Variants in VTI1A observed in about 807,000 individuals in gnomAD.
VTI1A encodes the protein vesicle transport through interaction with t-SNAREs homolog 1A.
VTI1A carries 22 observed loss-of-function variants against 34.9 expected under a neutral mutation model. The ratio of observed to expected loss-of-function variants is 0.63; its 90% CI spans 0.45 to 0.90. The LOEUF is 0.90. Ranked by LOEUF, VTI1A falls within the 40% of genes least tolerant of loss-of-function variation. The pLI, the probability that VTI1A is intolerant of heterozygous loss-of-function variation, is 0.00. For missense variants in VTI1A, 268 were observed against 275.6 expected, an observed-to-expected ratio of 0.97 and a Z score of 0.20; for synonymous variants, 87 against 97.3, an observed-to-expected ratio of 0.89 and a Z score of 0.62.
At chr10:112,708,883 C>T (rs576954076) in intron 7 of VTI1A, among the ~76,000 whole-genome samples, 5 of 152,200 alleles carry the variant, frequency 3.3e-5, no homozygotes, top group East Asian at 1.9e-4. Context: ...AAACATGTTT[C>T]GTAGTTACAC....
chr10:112,703,302 T>A (rs995051197), intron 7 of VTI1A, among the ~76,000 whole-genome samples: 10 of 152,188 alleles, frequency 6.6e-5, no homozygotes, highest in African/African-American at 2.4e-4. Context: ...GCGCAGTGGC[T>A]CACGCCTGTA....
chr10:112,685,525 T>C (rs1171326866), intron 7 of VTI1A, among the ~76,000 whole-genome samples: 2 of 152,218 alleles, frequency 1.3e-5, no homozygotes, highest in Non-Finnish European at 2.9e-5. Context: ...TACCGTTTTC[T>C]GCCCTGGCTT....
chr10:112,675,596 C>T (rs1193986887), intron 7 of VTI1A, among the ~76,000 whole-genome samples: 1 of 152,200 alleles, frequency 6.6e-6, no homozygotes, highest in Non-Finnish European at 1.5e-5. Context: ...GACTGTGTGG[C>T]ATTAACCAGA....
At chr10:112,478,269 G>A (rs950113806) in intron 3 of VTI1A, among the ~76,000 whole-genome samples, 1 of 150,272 alleles carries the variant, frequency 6.7e-6, no homozygotes, top group African/African-American at 2.5e-5. Context: ...CCTTGGACAT[G>A]TGGCATATTC....
At chr10:112,752,872 A>G (rs1302949912) in intron 7 of VTI1A, among the ~76,000 whole-genome samples, 1 of 151,812 alleles carries the variant, frequency 6.6e-6, no homozygotes, top group Admixed American at 6.6e-5. Context: ...ACTTCAGCTC[A>G]CTTACATGGA....
At chr10:112,700,130 A>C (rs1165972464) in intron 7 of VTI1A, among the ~76,000 whole-genome samples, 2 of 140,092 alleles carry the variant, frequency 1.4e-5, no homozygotes, top group Non-Finnish European at 3.0e-5. Flanking sequence ...AAAAAAAAAA[A>C]AAAAACAAAA....
chr10:112,628,137 G>A (rs1397233518), intron 5 of VTI1A, among the ~76,000 whole-genome samples: 1 of 152,028 alleles, frequency 6.6e-6, no homozygotes, highest in African/African-American at 2.4e-5. Flanking sequence ...ACACCTCCAA[G>A]GTCTGTATAG....
intron 7 of VTI1A, among the ~76,000 whole-genome samples, chr10:112,713,573 A>G (rs890839634): frequency 3.3e-5 from 5 of 152,228 alleles, no homozygotes; most frequent in African/African-American, 1.2e-4. Context: ...CAGCAGCTCC[A>G]GTCTATCAGC....
chr10:112,689,150 G>A (rs1001461029), intron 7 of VTI1A, among the ~76,000 whole-genome samples: 1 of 152,180 alleles, frequency 6.6e-6, no homozygotes, highest in African/African-American at 2.4e-5. Flanking sequence ...AAAAATGTAT[G>A]TATAAGCAGA....
At chr10:112,683,351 C>G (rs1307081717) in intron 7 of VTI1A, among the ~76,000 whole-genome samples, 1 of 152,118 alleles carries the variant, frequency 6.6e-6, no homozygotes, top group Non-Finnish European at 1.5e-5. Flanking sequence ...TTGGTAGGAA[C>G]ATGAAAGTGA....
rs567119868 is a variant in VTI1A at position 112,572,706 on chromosome 10, C to T, written c.427+34376C>T. On this transcript the variant is annotated intron_variant, in intron 5 of 7. Transcript: ENST00000393077. ...ACAAAAAATTAGCCGGGCGCGGTGGCGGGCGCCTGTAGTCCCAGCTACTCG... is the reference window on the plus strand; with the variant it reads ...ACAAAAAATTAGCCGGGCGCGGTGGTGGGCGCCTGTAGTCCCAGCTACTCG... Among the ~76,000 whole-genome samples the T allele has an allele frequency of 1.0e-3, 152 of 150,612 alleles. 6 individuals are homozygous for T. In the East Asian group the frequency reaches 0.014, roughly 14 times the overall value.
intron 3 of VTI1A, among the ~76,000 whole-genome samples, chr10:112,499,025 A>C (rs984738403): frequency 2.9e-4 from 44 of 152,312 alleles, no homozygotes; most frequent in African/African-American, 9.9e-4. Flanking sequence ...GCTTAAATGA[A>C]GAAATAACCA....
At chr10:112,500,443 A>AG (rs1849190450) in intron 3 of VTI1A, among the ~76,000 whole-genome samples, 2 of 152,218 alleles carry the variant, frequency 1.3e-5, no homozygotes, top group African/African-American at 4.8e-5. Context: ...AAAAAAGAAA[A>AG]AAAAGAAAAG....
chr10:112,640,010 C>T (rs1266621172), intron 5 of VTI1A, among the ~76,000 whole-genome samples: 1 of 152,120 alleles, frequency 6.6e-6, no homozygotes, highest in Non-Finnish European at 1.5e-5. Flanking sequence ...TGTCTTCCAC[C>T]TTCTGTTGGG....
chr10:112,787,006 A>G (rs1297652428), intron 7 of VTI1A, among the ~76,000 whole-genome samples: 1 of 152,128 alleles, frequency 6.6e-6, no homozygotes, highest in Non-Finnish European at 1.5e-5. Flanking sequence ...ATTGTGATGT[A>G]ATTCATTATT....
chr10:112,660,433 G>A (rs1360332851), intron 5 of VTI1A, among the ~76,000 whole-genome samples: 9 of 152,186 alleles, frequency 5.9e-5, no homozygotes, highest in Admixed American at 5.9e-4. Flanking sequence ...TGGCACTAAA[G>A]ATCATCTAGT....
At chr10:112,502,051 A>G (rs1412795540) in intron 3 of VTI1A, among the ~76,000 whole-genome samples, 1 of 136,898 alleles carries the variant, frequency 7.3e-6, no homozygotes, top group East Asian at 2.2e-4. Flanking sequence ...TTTTGGAGAC[A>G]GGGTCTTGTT....
chr10:112,622,150 C>A (rs1246744002), intron 5 of VTI1A, among the ~76,000 whole-genome samples: 1 of 152,108 alleles, frequency 6.6e-6, no homozygotes, highest in African/African-American at 2.4e-5. Context: ...AGAGTTATCC[C>A]ATCAAAATGT....
At chr10:112,797,972 C>T (rs1241649726) in intron 7 of VTI1A, among the ~76,000 whole-genome samples, 1 of 152,156 alleles carries the variant, frequency 6.6e-6, no homozygotes, top group Non-Finnish European at 1.5e-5. Flanking sequence ...AGAAACTCAG[C>T]CTTTTCCCCT....
Sources: allele counts gnomAD v4.1 joint callset (sites outside exome capture counted in the v4.1 genomes callset), GRCh38; gene constraint gnomAD v4.1.1; transcripts MANE v1.5; gene names NCBI Gene and HGNC (gene_info 2026-07-23, HGNC 2026-07-21).